XNDC1N: variants seen among roughly 807,000 people sequenced by gnomAD.
XNDC1N encodes protein XNDC1N.
chr11:71,891,199 C>T, the XNDC1N span, among the ~76,000 whole-genome samples: 1 of 152,016 alleles, frequency 6.6e-6, no homozygotes, highest in African/African-American at 2.4e-5. Flanking sequence ...GGAACAATAT[C>T]ACAGGGTGGT....
the XNDC1N span, among the ~76,000 whole-genome samples, chr11:71,913,450 C>T: frequency 6.6e-6 from 1 of 152,066 alleles, no homozygotes; most frequent in African/African-American, 2.4e-5. Context: ...CACAAGGTCA[C>T]AAGATCGAGA....
the XNDC1N span, among the ~76,000 whole-genome samples, chr11:71,919,762 C>A: frequency 6.7e-6 from 1 of 148,420 alleles, no homozygotes. Context: ...GGACTACAGG[C>A]GCCCACCACC....
the XNDC1N span, chr11:71,884,403 A>G: frequency 6.4e-7 from 1 of 1,571,008 alleles, no homozygotes; most frequent in Non-Finnish European, 8.6e-7. Flanking sequence ...TTCTCTTTTT[A>G]AAGCCAGAAG....
the XNDC1N span, among the ~76,000 whole-genome samples, chr11:71,898,288 C>T: frequency 1.3e-5 from 2 of 151,814 alleles, no homozygotes; most frequent in Admixed American, 1.3e-4. Context: ...AAGACATTAT[C>T]GTCAGTGAAA....
the XNDC1N span, among the ~76,000 whole-genome samples, chr11:71,905,790 G>T: frequency 6.6e-6 from 1 of 151,976 alleles, no homozygotes; most frequent in Non-Finnish European, 1.5e-5. Flanking sequence ...GTACACACAT[G>T]GGGTACACCA....
chr11:71,906,031 C>A, the XNDC1N span, among the ~76,000 whole-genome samples: 4 of 151,422 alleles, frequency 2.6e-5, no homozygotes, highest in Admixed American at 6.6e-5. Context: ...AACATCCCCC[C>A]ACAATATTAC....
At chr11:71,884,278 C>A in the XNDC1N span, 1 of 1,122,900 alleles carries the variant, frequency 8.9e-7, no homozygotes, top group Non-Finnish European at 1.2e-6. Context: ...CTCTTGCATT[C>A]TTTTGCTGTT....
the XNDC1N span, chr11:71,884,498 T>G: frequency 5.0e-6 from 8 of 1,610,400 alleles, no homozygotes; most frequent in African/African-American, 9.4e-5. Context: ...TTAGATACTG[T>G]GCTGACTTCA....
the XNDC1N span, chr11:71,919,129 C>T: frequency 1.5e-6 from 1 of 647,608 alleles, no homozygotes; most frequent in East Asian, 2.7e-5. Context: ...TCCCAGTCAT[C>T]CTAACATGAT....
At chr11:71,907,583 C>T in the XNDC1N span, among the ~76,000 whole-genome samples, 15 of 152,126 alleles carry the variant, frequency 9.9e-5, no homozygotes, top group Admixed American at 7.8e-4. Flanking sequence ...GCTGTACACC[C>T]GTCTGTATTG....
chr11:71,919,064 G>C, the XNDC1N span: 3 of 699,076 alleles, frequency 4.3e-6, no homozygotes, highest in African/African-American at 1.7e-5. Flanking sequence ...GAATCTCACT[G>C]CGCCCAAGGG....
chr11:71,901,535 G>A, the XNDC1N span, among the ~76,000 whole-genome samples: 7 of 152,166 alleles, frequency 4.6e-5, no homozygotes, highest in South Asian at 4.1e-4. Flanking sequence ...GCATGCAGAG[G>A]TTGCGGTGAG....
the XNDC1N span, among the ~76,000 whole-genome samples, chr11:71,876,486 C>T: frequency 6.6e-6 from 1 of 152,114 alleles, no homozygotes; most frequent in African/African-American, 2.4e-5. Flanking sequence ...GATTGGTAGC[C>T]CATGGATTAC....
At chr11:71,876,194 G>GACACCT in the XNDC1N span, among the ~76,000 whole-genome samples, 1 of 152,134 alleles carries the variant, frequency 6.6e-6, no homozygotes, top group Admixed American at 6.5e-5. Flanking sequence ...TCTTCCTGGA[G>GACACCT]AGTTATGTGC....
At chr11:71,917,133 C>CCTCCCCAGT in the XNDC1N span, 1 of 329,036 alleles carries the variant, frequency 3.0e-6, no homozygotes, top group Non-Finnish European at 5.7e-6. Flanking sequence ...GCCGCCTCAG[C>CCTCCCCAGT]CTCCCCAGTA....
At chr11:71,924,388 AAAG>A in the XNDC1N span, among the ~76,000 whole-genome samples, 2 of 151,994 alleles carry the variant, frequency 1.3e-5, no homozygotes, top group Non-Finnish European at 2.9e-5. Flanking sequence ...CTAAAAAAAA[AAAG>A]TTCTGGACCG....
the XNDC1N span, among the ~76,000 whole-genome samples, chr11:71,925,145 C>T: frequency 2.6e-5 from 4 of 152,084 alleles, no homozygotes; most frequent in South Asian, 8.3e-4. Flanking sequence ...AAGGTGACAG[C>T]TCCAACCTGT....
At chr11:71,923,075 G>A in the XNDC1N span, among the ~76,000 whole-genome samples, 594 of 152,290 alleles carry the variant, frequency 3.9e-3, 4 homozygotes, top group African/African-American at 0.014. Context: ...CAAACTGGGC[G>A]GAATCCTGAG....
At chr11:71,898,388 CTT>C in the XNDC1N span, among the ~76,000 whole-genome samples, 2 of 152,222 alleles carry the variant, frequency 1.3e-5, no homozygotes, top group African/African-American at 4.8e-5. Context: ...AGGCGGATCA[CTT>C]AAGCTCAGGA....
Sources: allele counts gnomAD v4.1 joint callset (sites outside exome capture counted in the v4.1 genomes callset), GRCh38; gene constraint gnomAD v4.1.1; transcripts MANE v1.5; gene names NCBI Gene and HGNC (gene_info 2026-07-23, HGNC 2026-07-21).